DENND1A: variants seen among roughly 807,000 people sequenced by gnomAD.
DENND1A encodes DENN domain-containing protein 1A.
In DENND1A, 51 loss-of-function variants were observed where a neutral mutation model predicts 113.7. The ratio of observed to expected loss-of-function variants is 0.45; its 90% confidence interval spans 0.36 to 0.57. The LOEUF is 0.57. Ranked by LOEUF, DENND1A falls within the 20% of genes least tolerant of loss-of-function variation. DENND1A has a pLI of 0.00. For missense variants in DENND1A, 1,258 were observed against 1,395.9 expected (o/e 0.90, Z 1.57); for synonymous variants, 565 against 570.8 (o/e 0.99, Z 0.14).
chr9:123,904,308 C>T (rs1348689767), intron 1 of DENND1A, among the ~76,000 whole-genome samples: 4 of 151,838 alleles, frequency 2.6e-5, no homozygotes, highest in African/African-American at 7.3e-5. Flanking sequence ...AAACGCAGAG[C>T]GTCTCTCCTC....
chr9:123,810,211 A>G (rs1419895214), intron 2 of DENND1A, among the ~76,000 whole-genome samples: 1 of 151,832 alleles, frequency 6.6e-6, no homozygotes, highest in Non-Finnish European at 1.5e-5. Context: ...CCATCATCTC[A>G]TGTTTTGGCC....
chr9:123,780,818 G>A (rs561626912), intron 3 of DENND1A, among the ~76,000 whole-genome samples: 2 of 152,284 alleles, frequency 1.3e-5, no homozygotes, highest in East Asian at 1.9e-4. Flanking sequence ...GGCTGTGGGT[G>A]AGGGGGTTAA....
At chr9:123,770,197 A>T (rs984383998) in intron 3 of DENND1A, among the ~76,000 whole-genome samples, 1 of 152,210 alleles carries the variant, frequency 6.6e-6, no homozygotes, top group Non-Finnish European at 1.5e-5. Context: ...TCTTATTGAA[A>T]TATCACCATA....
At chr9:123,589,660 A>AC (rs1283227803) in intron 11 of DENND1A, among the ~76,000 whole-genome samples, 1 of 151,330 alleles carries the variant, frequency 6.6e-6, no homozygotes, top group African/African-American at 2.4e-5. Flanking sequence ...AAAAAAAAAA[A>AC]AAAAAAAAAA....
At chr9:123,500,533 T>G (rs926459182) in intron 13 of DENND1A, among the ~76,000 whole-genome samples, 1 of 152,240 alleles carries the variant, frequency 6.6e-6, no homozygotes, top group Non-Finnish European at 1.5e-5. Flanking sequence ...AAACCCACTG[T>G]TGACATAACA....
intron 13 of DENND1A, among the ~76,000 whole-genome samples, chr9:123,473,429 G>A (rs891408428): frequency 2.6e-5 from 4 of 152,138 alleles, no homozygotes; most frequent in Admixed American, 6.6e-5. Context: ...TGGAGTTGTC[G>A]TGGAGACAAC....
chr9:123,863,248 G>C (rs1473394954), intron 2 of DENND1A, among the ~76,000 whole-genome samples: 2 of 152,160 alleles, frequency 1.3e-5, no homozygotes, highest in African/African-American at 2.4e-5. Context: ...AGAACACAAA[G>C]TAGGAAGTAC....
chr9:123,777,283 C>T (rs563189920), intron 3 of DENND1A, among the ~76,000 whole-genome samples: 2 of 152,310 alleles, frequency 1.3e-5, no homozygotes, highest in African/African-American at 2.4e-5. Context: ...GCTGTGTTTG[C>T]CTCAGGGCCA....
At chr9:123,799,438 A>C (rs1834284688) in intron 2 of DENND1A, among the ~76,000 whole-genome samples, 1 of 152,174 alleles carries the variant, frequency 6.6e-6, no homozygotes, top group African/African-American at 2.4e-5. Flanking sequence ...GCCCTAATGG[A>C]GAACACACAG....
chr9:123,436,591 A>G (rs2046537120), intron 19 of DENND1A, among the ~76,000 whole-genome samples: 1 of 152,250 alleles, frequency 6.6e-6, no homozygotes, highest in African/African-American at 2.4e-5. Context: ...AGGAATAGGC[A>G]TTCTCAAGTT....
intron 8 of DENND1A, among the ~76,000 whole-genome samples, chr9:123,665,716 C>T (rs1487054573): frequency 6.6e-6 from 1 of 152,134 alleles, no homozygotes; most frequent in African/African-American, 2.4e-5. Flanking sequence ...GAATTGAAAG[C>T]AGAGACTCAA....
intron 5 of DENND1A, among the ~76,000 whole-genome samples, chr9:123,722,710 G>A (rs1434015674): frequency 1.3e-5 from 2 of 152,212 alleles, no homozygotes; most frequent in African/African-American, 4.8e-5. Context: ...AAGCCTGCAG[G>A]TGCAGAGAAG....
rs1513358 is a variant in DENND1A, at chr9:123,872,473, T to C, written c.88+6478A>G. Among the ~76,000 whole-genome samples the C allele has an allele frequency of 9.4e-3, 1,436 of 152,240 alleles. 16 individuals carry two copies. The highest frequency in any genetic ancestry group is 0.033 in the African/African-American group (1,351 of 41,554). ...TTGGAGAGAGTGAGGAAAACACATA[T>C]AGCTGAGAGTTCAGAAAAAAAGTTT... On this transcript the variant is annotated intron_variant, in intron 2 of 23. Coordinates refer to ENST00000394215, the MANE Select transcript of DENND1A (RefSeq NM_001352964.2).
chr9:123,912,969 A>G (rs1192040174), intron 1 of DENND1A, among the ~76,000 whole-genome samples: 1 of 152,144 alleles, frequency 6.6e-6, no homozygotes. Context: ...CCCACCCTAC[A>G]GTGTAGTAAC....
intron 11 of DENND1A, among the ~76,000 whole-genome samples, chr9:123,603,572 T>G (rs114088737): frequency 1.3e-5 from 2 of 152,178 alleles, no homozygotes; most frequent in Non-Finnish European, 2.9e-5. Flanking sequence ...GAGCTCCCCA[T>G]GCACCCATCA....
chr9:123,625,695 G>A (rs1340215580), intron 10 of DENND1A, among the ~76,000 whole-genome samples: 1 of 152,222 alleles, frequency 6.6e-6, no homozygotes, highest in Non-Finnish European at 1.5e-5. Context: ...AGTGAGCCAA[G>A]ATCGTGCCAC....
intron 22 of DENND1A, 74 bp downstream of exon 22, chr9:123,387,651 ACCAGC>A: frequency 8.1e-7 from 1 of 1,227,316 alleles, no homozygotes; most frequent in Non-Finnish European, 1.1e-6. Context: ...GGCAAGCAGC[ACCAGC>A]CCCCCGCTTT....
In DENND1A at chr9:123,411,786, C is replaced by T. The variant is rs2044324275; in HGVS notation, c.1532G>A (p.Arg511His). Residue 511 changes from arginine (R) to histidine (H), a missense_variant, in exon 20 of 24, where the codon CGC becomes CAC. Arg to His is a conservative substitution (Grantham distance 29). Coordinates refer to ENST00000394215, the MANE Select transcript of DENND1A (RefSeq NM_001352964.2). ...RPTRPPPKIQRSRPVRPPRPH... is the reference protein window; with the variant it reads ...RPTRPPPKIQHSRPVRPPRPH... ...CCACCAGCTACTCACGGGCCTCGAG[C>T]GCTGTATCTTGGGAGGCGGTCGGGT... The T allele has an allele frequency of 9.1e-6, 9 of 985,944 alleles. No individual in the cohort carries two copies. The highest frequency in any genetic ancestry group is 1.1e-4 in the East Asian group (1 of 8,812). 61.1% of individuals were successfully genotyped at this position (985,944 alleles called of 1,614,324 possible). A position where few individuals can be genotyped will look rare whatever the true frequency, so the allele number is the denominator to read the frequency against.
chr9:123,926,600 C>T (rs1260751762), intron 1 of DENND1A, among the ~76,000 whole-genome samples: 2 of 146,350 alleles, frequency 1.4e-5, no homozygotes, highest in Admixed American at 1.4e-4. Context: ...ACTAAATAAT[C>T]TAGTAAAAGG....
Sources: gnomAD v4.1 joint callset for allele counts (sites outside exome capture counted in the v4.1 genomes callset) on GRCh38, gnomAD v4.1.1 for gene constraint, MANE v1.5 for transcripts, NCBI Gene and HGNC (gene_info 2026-07-23, HGNC 2026-07-21) for gene names.